Variants in SMCHD1 observed in about 807,000 individuals in gnomAD.
SMCHD1 encodes structural maintenance of chromosomes flexible hinge domain-containing protein 1.
A neutral mutation model predicts 254.7 loss-of-function variants in SMCHD1; 78 were observed. The observed-to-expected ratio is 0.31, with a 90% CI of 0.26 to 0.37. The LOEUF (loss-of-function observed/expected upper bound fraction) is 0.37, where lower values mean the gene tolerates loss of function less well. Ranked by LOEUF, SMCHD1 falls within the 10% of genes least tolerant of loss-of-function variation. The pLI is 1.00. For missense variants in SMCHD1, 1,840 were observed against 2,408.1 expected (o/e 0.76, Z 4.94); for synonymous variants, 766 against 794.9 (o/e 0.96, Z 0.61).
At chr18:2,669,261 T>C (rs1347076094) in intron 3 of SMCHD1, among the ~76,000 whole-genome samples, 1 of 152,130 alleles carries the variant, frequency 6.6e-6, no homozygotes, top group Non-Finnish European at 1.5e-5. Context: ...GGGGGATTGC[T>C]TGAGTGAGCC....
At position 2,701,155 on chromosome 18, in the gene SMCHD1, G is replaced by GTTT. The variant is rs200431551; in HGVS notation, c.1647+243_1647+245dup. 110 of 228,064 alleles carry GTTT rather than the reference G, an allele frequency of 4.8e-4. 1 individual carries two copies. Among genetic ancestry groups the GTTT allele is most frequent in the Middle Eastern group, 2.5e-3 (2 of 786 alleles). 14.1% of individuals were successfully genotyped at this position (228,064 alleles called of 1,614,324 possible). The stretch of plus-strand genomic sequence containing the variant: ...GGATAGAATTTACATATCTTCATTA[G>GTTT]TTTTTTTTGTTTTTTTTTTTTTAAG... On this transcript the variant is annotated intron_variant, in intron 12 of 47. Coordinates refer to ENST00000320876, the MANE Select transcript of SMCHD1 (RefSeq NM_015295.3).
At chr18:2,774,853 T>C (rs116914023) in intron 41 of SMCHD1, among the ~76,000 whole-genome samples, 2,725 of 152,334 alleles carry the variant, frequency 0.018, 40 homozygotes, top group Middle Eastern at 0.1. Flanking sequence ...CCAATCTTGG[T>C]GGACTTGACT....
At chr18:2,738,611 G>T in intron 26 of SMCHD1, 66 bp downstream of exon 26, 1 of 1,335,138 alleles carries the variant, frequency 7.5e-7, no homozygotes, top group Non-Finnish European at 1.0e-6. Flanking sequence ...GCACATATAT[G>T]AAAGTTGTTT....
At chr18:2,754,114 G>T (rs1598406899) in intron 34 of SMCHD1, among the ~76,000 whole-genome samples, 1 of 152,040 alleles carries the variant, frequency 6.6e-6, no homozygotes, top group Non-Finnish European at 1.5e-5. Context: ...CCTGTGGCTT[G>T]CTTTCTCATT....
At chr18:2,716,176 A>T (rs1450087880) in intron 17 of SMCHD1, among the ~76,000 whole-genome samples, 3 of 152,224 alleles carry the variant, frequency 2.0e-5, no homozygotes, top group Admixed American at 1.3e-4. Context: ...GTTTATAAAT[A>T]GCCTTAGTGT....
intron 27 of SMCHD1, 49 bp downstream of exon 27, chr18:2,739,569 A>T (rs1281283780): frequency 6.9e-7 from 1 of 1,457,616 alleles, no homozygotes; most frequent in Admixed American, 1.8e-5. Flanking sequence ...ATCTTCTGTG[A>T]TGTTTCCTTC....
chr18:2,738,284 T>C (rs2075286913), intron 25 of SMCHD1, 113 bp from the exon 26 acceptor site: 1 of 993,036 alleles, frequency 1.0e-6, no homozygotes, highest in Admixed American at 3.4e-5. Flanking sequence ...AAGAGACTTT[T>C]TTCTTGGGGG....
Position 2,775,905 on chromosome 18 carries a change from ACT to A in SMCHD1, c.5350_5351del (p.Leu1784SerfsTer18). ...VLPLDSIYKK[T>X]LPDWKRSLPH... ...GCCCCTTGATTCTATTTACAAGAAG[ACT>A]CTTCCAGATTGGAAAAGGTTAGAAA... On this transcript the variant is annotated frameshift_variant, in exon 42 of 48. Transcript: ENST00000320876. LOFTEE classifies it high-confidence loss of function. 6.3e-7 allele frequency: 1 copy of A among 1,591,286 alleles called. No homozygotes were observed. Among genetic ancestry groups the A allele is most frequent in the Non-Finnish European group, 8.5e-7 (1 of 1,172,820 alleles).
At chr18:2,675,847 C>T (rs146969046) in intron 5 of SMCHD1, among the ~76,000 whole-genome samples, 1 of 152,230 alleles carries the variant, frequency 6.6e-6, no homozygotes, top group East Asian at 1.9e-4. Context: ...GTTCTTAGAA[C>T]AAAACAAACT....
chr18:2,791,066 A>G (rs1358426562), intron 45 of SMCHD1, among the ~76,000 whole-genome samples: 1 of 152,232 alleles, frequency 6.6e-6, no homozygotes, highest in African/African-American at 2.4e-5. Flanking sequence ...TAAAATTAGC[A>G]TACAAAAATA....
At chr18:2,772,217 G>C in intron 40 of SMCHD1, 33 bp from the exon 41 acceptor site, 2 of 1,520,512 alleles carry the variant, frequency 1.3e-6, no homozygotes, top group Non-Finnish European at 1.8e-6. Flanking sequence ...AGAGTAATTG[G>C]TCTTGTAGTT....
At chr18:2,772,967 T>C (rs112388457) in intron 41 of SMCHD1, among the ~76,000 whole-genome samples, 133 of 152,352 alleles carry the variant, frequency 8.7e-4, no homozygotes, top group African/African-American at 3.1e-3. Context: ...CATTTATACA[T>C]AAAGAAATTG....
At chr18:2,711,290 G>A (rs1474036516) in intron 17 of SMCHD1, among the ~76,000 whole-genome samples, 1 of 150,064 alleles carries the variant, frequency 6.7e-6, no homozygotes. Flanking sequence ...GGTGGAGACA[G>A]GGTCTCCTAT....
At position 2,722,507 on chromosome 18, in the gene SMCHD1, T is replaced by C. The variant is rs754049147; in HGVS notation, c.2459-12T>C. On this transcript the variant is annotated splice_polypyrimidine_tract_variant and intron_variant, in intron 19 of 47. Coordinates refer to ENST00000320876, the MANE Select transcript of SMCHD1 (RefSeq NM_015295.3). The stretch of plus-strand genomic sequence containing the variant: ...GTACTTGCTTTTCATTTCATTTTTG[T>C]TTTTGTTAAAGAGGGTAAGCCAGAG... The C allele has an allele frequency of 6.2e-7, 1 of 1,602,694 alleles. No homozygotes were observed.
intron 5 of SMCHD1, among the ~76,000 whole-genome samples, chr18:2,683,864 A>C (rs1175074260): frequency 6.6e-6 from 1 of 151,892 alleles, no homozygotes; most frequent in African/African-American, 2.4e-5. Flanking sequence ...TTGTGTTTTC[A>C]TGCTATATCT....
At position 2,661,928 on chromosome 18, in the gene SMCHD1, G is replaced by T. The variant is rs1035640122; in HGVS notation, c.187-4229G>T. On this transcript the variant is annotated intron_variant, in intron 1 of 47. Transcript: ENST00000320876. ...TCCCAGCACTTTGGGAGGCCGAGGC[G>T]GGTGGATCATGAGGTCAGGAGATCG... Among the ~76,000 whole-genome samples, 7 of 145,948 alleles carry T rather than the reference G, an allele frequency of 4.8e-5. No homozygotes were observed. The East Asian group carries it at 1.2e-3, about 25-fold the overall frequency.
At chr18:2,671,609 T>A (rs2073605391) in intron 3 of SMCHD1, among the ~76,000 whole-genome samples, 1 of 149,184 alleles carries the variant, frequency 6.7e-6, no homozygotes, top group Admixed American at 6.6e-5. Flanking sequence ...TTTTTTTTTT[T>A]TTTTGAGACA....
At chr18:2,682,617 C>T (rs991297669) in intron 5 of SMCHD1, among the ~76,000 whole-genome samples, 5 of 152,200 alleles carry the variant, frequency 3.3e-5, no homozygotes, top group Non-Finnish European at 5.9e-5. Flanking sequence ...CCACCGCGCC[C>T]GGCCCCCTGA....
At chr18:2,680,263 A>G (rs571952308) in intron 5 of SMCHD1, among the ~76,000 whole-genome samples, 5 of 152,154 alleles carry the variant, frequency 3.3e-5, no homozygotes, top group Non-Finnish European at 7.3e-5. Context: ...AGAACTGGTC[A>G]TATTATAATA....
Sources: allele counts gnomAD v4.1 joint callset (sites outside exome capture counted in the v4.1 genomes callset), GRCh38; gene constraint gnomAD v4.1.1; transcripts MANE v1.5; gene names NCBI Gene and HGNC (gene_info 2026-07-23, HGNC 2026-07-21).